PARD3B: variants seen among roughly 807,000 people sequenced by gnomAD.
PARD3B encodes par-3 family cell polarity regulator beta, also known as partitioning defective 3 homolog B.
PARD3B carries 103 observed loss-of-function variants against 130.2 expected under a neutral mutation model. The observed-to-expected ratio is 0.79, with a 90% CI of 0.67 to 0.93. The LOEUF is 0.93. Among genes scored for constraint, PARD3B ranks in the 40% least tolerant of loss-of-function variants. The probability of loss-of-function intolerance (pLI) is 0.00; values close to 1 mark genes in which losing one functional copy is unlikely to be tolerated. For synonymous variants in PARD3B, 583 were observed against 553.2 expected, an observed-to-expected ratio of 1.05 and a Z score of -0.76; for missense variants, 1,609 against 1,499.2, an observed-to-expected ratio of 1.07 and a Z score of -1.21.
At chr2:204,874,395 A>G (rs1425991307) in intron 2 of PARD3B, among the ~76,000 whole-genome samples, 2 of 152,192 alleles carry the variant, frequency 1.3e-5, no homozygotes, top group Non-Finnish European at 2.9e-5. Flanking sequence ...ATTTGAAATA[A>G]GTTTTGGTGC....
chr2:205,037,779 A>G (rs1197471899), intron 3 of PARD3B, among the ~76,000 whole-genome samples: 1 of 151,880 alleles, frequency 6.6e-6, no homozygotes, highest in African/African-American at 2.4e-5. Context: ...GAAGAGTAGT[A>G]TGGATGGAAC....
Position 204,906,153 on chromosome 2 carries a change from T to C in PARD3B, c.223-58999T>C, listed in dbSNP as rs149519773. 5.3e-5 allele frequency among the ~76,000 whole-genome samples: 8 copies of C among 152,318 alleles called. No homozygotes were observed. The East Asian group carries it at 1.5e-3, about 29-fold the overall frequency. ...ACTCTTATTTCTCATCTGGACTGGG[T>C]AGCTGGTTAAATAATTTTTCTGTGA... On this transcript the variant is annotated intron_variant, in intron 2 of 22. Transcript: ENST00000406610. This position sits in a 1 kb window ranked among gnomAD's most constrained non-coding sequence, Gnocchi z 4.3.
At chr2:205,003,742 G>GAATA in intron 3 of PARD3B, among the ~76,000 whole-genome samples, 1 of 152,196 alleles carries the variant, frequency 6.6e-6, no homozygotes, top group Non-Finnish European at 1.5e-5. Flanking sequence ...CCAGCACCTT[G>GAATA]AATAGTGTCT....
intron 20 of PARD3B, among the ~76,000 whole-genome samples, chr2:205,493,980 C>G (rs1283255502): frequency 6.6e-6 from 1 of 151,900 alleles, no homozygotes; most frequent in African/African-American, 2.4e-5. Flanking sequence ...AGGCTAGTCT[C>G]GAACTCCTGA....
chr2:205,012,549 T>C (rs1695801618), intron 3 of PARD3B, among the ~76,000 whole-genome samples: 1 of 152,126 alleles, frequency 6.6e-6, no homozygotes, highest in Admixed American at 6.6e-5. Flanking sequence ...GAAGAGTAGG[T>C]GAAAATGGTC....
chr2:205,103,247 T>TAA (rs375050002), intron 4 of PARD3B, among the ~76,000 whole-genome samples: 3 of 74,436 alleles, frequency 4.0e-5, no homozygotes, highest in Non-Finnish European at 2.8e-5. Context: ...TATATTTATG[T>TAA]AAAAAACATT....
chr2:204,742,969 C>G (rs2040069645), intron 2 of PARD3B, among the ~76,000 whole-genome samples: 1 of 152,008 alleles, frequency 6.6e-6, no homozygotes. Context: ...CAGAGTTTGT[C>G]TTTTGGAAGT....
chr2:205,178,946 T>A (rs2035638512), intron 13 of PARD3B, among the ~76,000 whole-genome samples: 1 of 152,196 alleles, frequency 6.6e-6, no homozygotes, highest in African/African-American at 2.4e-5. Flanking sequence ...AGGCAGTTCC[T>A]TTAGGAGGTA....
chr2:205,398,265 C>T (rs1054349002), intron 18 of PARD3B, among the ~76,000 whole-genome samples: 1 of 152,118 alleles, frequency 6.6e-6, no homozygotes, highest in African/African-American at 2.4e-5. Flanking sequence ...CGCATCATTG[C>T]ACTCCAACCT....
At chr2:205,197,072 T>TGAGA (rs2036736527) in intron 15 of PARD3B, among the ~76,000 whole-genome samples, 3 of 148,928 alleles carry the variant, frequency 2.0e-5, no homozygotes, top group Middle Eastern at 6.9e-3. Flanking sequence ...TGTGTGTGTG[T>TGAGA]GTGAGAGAGA....
intron 4 of PARD3B, among the ~76,000 whole-genome samples, chr2:205,070,288 T>G (rs1259410241): frequency 6.6e-6 from 1 of 152,122 alleles, no homozygotes; most frequent in Non-Finnish European, 1.5e-5. Flanking sequence ...CCCATGAAAT[T>G]AGCAGTTTTT....
rs1243398406 is a variant in PARD3B, at chr2:204,610,501, GCA to G, written c.120+64386_120+64387del. On this transcript the variant is annotated intron_variant, in intron 1 of 22. Transcript: ENST00000406610. The surrounding 1 kb of genome is among the most constrained non-coding windows in gnomAD (Gnocchi z 4.1). ...CTCCCGAGTGGCTGGGATTACAGAT[GCA>G]CACCACCATGCCCAGCTAATTTTTG... Among the ~76,000 whole-genome samples, 1 of 152,084 alleles carries G rather than the reference GCA, an allele frequency of 6.6e-6. No individual in the cohort carries two copies. The highest frequency in any genetic ancestry group is 1.5e-5 in the Non-Finnish European group (1 of 67,992).
chr2:205,191,790 C>T (rs1012786384), intron 14 of PARD3B, among the ~76,000 whole-genome samples: 6 of 152,092 alleles, frequency 3.9e-5, no homozygotes, highest in East Asian at 1.9e-4. Context: ...TAGTAAGTAC[C>T]GGAGCCAGGA....
intron 22 of PARD3B, among the ~76,000 whole-genome samples, chr2:205,574,426 G>T (rs565609405): frequency 2.6e-5 from 4 of 152,282 alleles, no homozygotes; most frequent in African/African-American, 9.6e-5. Flanking sequence ...CATCTGTGTG[G>T]CTATGCCCAT....
intron 2 of PARD3B, among the ~76,000 whole-genome samples, chr2:204,867,034 A>G (rs975232184): frequency 1.3e-5 from 2 of 152,192 alleles, no homozygotes; most frequent in African/African-American, 4.8e-5. Context: ...ACACCACTGC[A>G]GTCCAGCCTG....
intron 2 of PARD3B, among the ~76,000 whole-genome samples, chr2:204,767,081 G>A (rs1213862482): frequency 1.3e-4 from 14 of 111,686 alleles, no homozygotes; most frequent in African/African-American, 4.8e-4. Flanking sequence ...CATGTGCCAT[G>A]CTGGTGCGCT....
chr2:204,949,611 A>T (rs894483620), intron 2 of PARD3B, among the ~76,000 whole-genome samples: 2 of 152,124 alleles, frequency 1.3e-5, no homozygotes, highest in African/African-American at 4.8e-5. Flanking sequence ...CATAAGCCAC[A>T]GTACTCAGCC....
intron 2 of PARD3B, among the ~76,000 whole-genome samples, chr2:204,757,207 G>T (rs1207349432): frequency 6.6e-6 from 1 of 152,136 alleles, no homozygotes; most frequent in African/African-American, 2.4e-5. Flanking sequence ...GTTGTGACTA[G>T]TGCTGCCATA....
chr2:205,316,499 T>C (rs2042567817), intron 18 of PARD3B, among the ~76,000 whole-genome samples: 1 of 152,196 alleles, frequency 6.6e-6, no homozygotes, highest in South Asian at 2.1e-4. Context: ...AATCAGCTCA[T>C]TATTTGAATA....
Sources: allele counts gnomAD v4.1 joint callset (sites outside exome capture counted in the v4.1 genomes callset), GRCh38; gene constraint gnomAD v4.1.1; non-coding constraint Gnocchi (gnomAD v3.1); transcripts MANE v1.5; gene names NCBI Gene and HGNC (gene_info 2026-07-23, HGNC 2026-07-21).